Variants in CIAO3 observed in about 807,000 individuals in gnomAD.
CIAO3 encodes LET1 like/JFP15.
CIAO3 carries 45 observed loss-of-function variants against 51.5 expected under a neutral mutation model. The observed-to-expected ratio is 0.87, with a 90% confidence interval of 0.69 to 1.12. The LOEUF (loss-of-function observed/expected upper bound fraction) is 1.12. Ranked by LOEUF, CIAO3 falls within the 50% of genes most tolerant of loss-of-function variation. The pLI is 0.00. For missense variants in CIAO3, 668 were observed against 632.5 expected (o/e 1.06, Z -0.60); for synonymous variants, 314 against 269.3 (o/e 1.17, Z -1.63).
intron 1 of CIAO3, chr16:740,579 A>C (rs1030867083): frequency 1.2e-5 from 5 of 407,286 alleles, no homozygotes; most frequent in African/African-American, 2.1e-5. Context: ...GGTTAGGGTT[A>C]GGGATGTGTG....
intron 8 of CIAO3, 89 bp downstream of exon 8, chr16:732,212 C>T (rs890834283): frequency 2.4e-5 from 32 of 1,361,224 alleles, no homozygotes; most frequent in Admixed American, 4.0e-5. Context: ...AGATGGGCTG[C>T]GGGGAGGCAA....
Position 729,970 on chromosome 16 carries a change from C to G in CIAO3, c.*447G>C. 1 of 341,038 alleles carries G rather than the reference C, an allele frequency of 2.9e-6. No homozygotes were observed. Among genetic ancestry groups the G allele is most frequent in the South Asian group, 2.5e-5 (1 of 39,826 alleles). 21.1% of individuals were successfully genotyped at this position (341,038 alleles called of 1,614,324 possible). On this transcript the variant is annotated 3_prime_UTR_variant, in exon 11 of 11. Transcript: ENST00000251588. The stretch of plus-strand genomic sequence containing the variant: ...CACGCAGGGTTGTGGCGGGACCACC[C>G]CTGCAGGTCCAGCTCTGTCTCCCAC...
In CIAO3 at chr16:737,329, C is replaced by T. The variant is rs1009083853; in HGVS notation, c.163G>A (p.Asp55Asn). ...DDGSYFQINQ[D>N]GGTRRLEKAK... ...TTCTCCAGCCTCCGGGTCCCGCCGTCCTACAAGGGAGAAGAACCCGGTGCA... is the reference window on the plus strand; with the variant it reads ...TTCTCCAGCCTCCGGGTCCCGCCGTTCTACAAGGGAGAAGAACCCGGTGCA... Residue 55 changes from aspartate (D) to asparagine (N), a missense_variant and splice_region_variant, in exon 3 of 11, where the codon GAC becomes AAC. Coordinates refer to ENST00000251588, the MANE Select transcript of CIAO3 (RefSeq NM_022493.3). The surrounding 1 kb of genome is among the most constrained non-coding windows in gnomAD (Gnocchi z 5.3). The T allele has an allele frequency of 1.9e-6, 3 of 1,612,868 alleles. No individual in the cohort carries two copies. Among genetic ancestry groups the T allele is most frequent in the African/African-American group, 2.7e-5 (2 of 74,922 alleles).
rs74670464 is a variant in CIAO3, at chr16:737,540, C to T, written c.163-211G>A. ...TGCCGTCAAGTCTGCTTCTTGGTAC[C>T]ACTTGGTTAGTGCATCCGAATCACA... On this transcript the variant is annotated intron_variant, in intron 2 of 10. Coordinates refer to ENST00000251588, the MANE Select transcript of CIAO3 (RefSeq NM_022493.3). The surrounding 1 kb of genome is among the most constrained non-coding windows in gnomAD (Gnocchi z 5.3). 1 of 1,510,984 alleles carries T rather than the reference C, an allele frequency of 6.6e-7. No individual in the cohort carries two copies. Among genetic ancestry groups the T allele is most frequent in the African/African-American group, 1.4e-5 (1 of 72,502 alleles). 93.6% of individuals were successfully genotyped at this position (1,510,984 alleles called of 1,614,324 possible).
Position 731,632 on chromosome 16 carries a change from C to A in CIAO3, c.967G>T (p.Val323Leu). 6.4e-7 allele frequency: 1 copy of A among 1,561,332 alleles called. No homozygotes were observed. Among genetic ancestry groups the A allele is most frequent in the Non-Finnish European group, 8.7e-7 (1 of 1,153,184 alleles). ...AGCTCTCGGGCCGCGTGCCGGAACA[C>A]GTGCTCCAGGTAGCCCCCCGAGCCC... ...GGGSGGYLEH[V>L]FRHAARELFG... is the part of the protein sequence containing the mutation. The change falls in exon 9 of 11, where the codon GTG becomes TTG. Residue 323 changes from valine (V) to leucine (L), a missense_variant. Transcript: ENST00000251588.
intron 9 of CIAO3, chr16:731,202 C>T (rs2041277483): frequency 1.4e-6 from 1 of 691,246 alleles, no homozygotes; most frequent in East Asian, 2.8e-5. Context: ...ACCTCACCTC[C>T]AGCCTCGGGC....
chr16:738,102 C>G (rs2041357159), intron 2 of CIAO3: 2 of 1,029,072 alleles, frequency 1.9e-6, no homozygotes, highest in African/African-American at 1.7e-5. Context: ...TACGTTGGTT[C>G]TGCCCCAAGG....
chr16:736,360 C>T lies in CIAO3; in HGVS notation c.345G>A (p.Ser115=), dbSNP rs112418028. ...APSQQRLVVV[S]VSPQSRASLA... ...GCGATGCTCTAGACTGTGGTGAGAC[C>T]GAAACTACAACCAGCCTCTGCTGAC... The change falls in exon 4 of 11, where the codon TCG becomes TCA. Residue 115 remains serine, a synonymous_variant. Coordinates refer to ENST00000251588, the MANE Select transcript of CIAO3 (RefSeq NM_022493.3). 3.2e-5 allele frequency: 52 copies of T among 1,612,840 alleles called. No individual in the cohort carries two copies. The highest frequency in any genetic ancestry group is 4.0e-5 in the Non-Finnish European group (47 of 1,179,820).
chr16:732,392 GCAGA>G lies in CIAO3; in HGVS notation c.824-23_824-20del, dbSNP rs770059567. ...ACTTCTCCTGCAAAGAAGCCACAGC[GCAGA>G]CACTCTTTAGCGGAGATCCCAGCAA... On this transcript the variant is annotated intron_variant, in intron 7 of 10. Coordinates refer to ENST00000251588, the MANE Select transcript of CIAO3 (RefSeq NM_022493.3). 4 of 1,612,292 alleles carry G rather than the reference GCAGA, an allele frequency of 2.5e-6. No homozygotes were observed. The African/African-American group carries it at 4.0e-5, about 16-fold the overall frequency.
chr16:736,202 C>T lies in CIAO3; in HGVS notation c.439+64G>A, dbSNP rs908169458. On this transcript the variant is annotated intron_variant, in intron 4 of 10. Transcript: ENST00000251588. ...GTCAGTGACTCAGAGGCGCGAGGGG[C>T]CTGGGCTTACTCAGACGCCCCCTTG... 2.5e-6 allele frequency: 4 copies of T among 1,600,876 alleles called. No individual in the cohort carries two copies. The African/African-American group carries it at 5.4e-5, about 21-fold the overall frequency.
intron 8 of CIAO3, 89 bp from the exon 9 acceptor site, chr16:731,791 T>G: frequency 1.4e-6 from 2 of 1,414,084 alleles, no homozygotes; most frequent in Non-Finnish European, 1.8e-6. Context: ...CATGAGCGTT[T>G]GCATTTCCAG....
rs1223790410 is a variant in CIAO3 at position 730,847 on chromosome 16, G to A, written c.1188C>T (p.Pro396=). 1.2e-6 allele frequency: 2 copies of A among 1,612,508 alleles called. No individual in the cohort carries two copies. The highest frequency in any genetic ancestry group is 8.5e-7 in the Non-Finnish European group (1 of 1,179,954). ...PYHYVEVMAC[P]SGCLNGGGQL... ...CCTGTCCCTTGCAGGAGCTACCTGA[G>A]GGGCAGGCCATGACCTCCACGTAGT... is the stretch of plus-strand genomic sequence containing the variant. The change falls in exon 10 of 11, where the codon CCC becomes CCT. Residue 396 remains proline (P), a synonymous_variant. Transcript: ENST00000251588.
chr16:736,605 G>A (rs1252854712), intron 3 of CIAO3, among the ~76,000 whole-genome samples: 4 of 151,280 alleles, frequency 2.6e-5, no homozygotes, highest in East Asian at 1.9e-4. Flanking sequence ...TGCAACCTCC[G>A]CCTCCCAGGT....
At chr16:736,778 C>T (rs979848503) in intron 3 of CIAO3, among the ~76,000 whole-genome samples, 1 of 152,158 alleles carries the variant, frequency 6.6e-6, no homozygotes, top group South Asian at 2.1e-4. Context: ...ATTCTCCTGC[C>T]TCAGCCTCTC....
chr16:739,936 C>T (rs2041374905), intron 1 of CIAO3, 198 bp from the exon 2 acceptor site: 5 of 1,379,358 alleles, frequency 3.6e-6, no homozygotes, highest in Non-Finnish European at 4.9e-6. Context: ...CAACATCCTG[C>T]GGCACTGAAG....
At chr16:734,195 C>T (rs775803437) in intron 6 of CIAO3, 34 bp downstream of exon 6, 3 of 1,591,462 alleles carry the variant, frequency 1.9e-6, no homozygotes, top group African/African-American at 2.7e-5. Context: ...GGCCGCTCCC[C>T]AGCCTGAGTC....
chr16:736,252 G>A lies in CIAO3; in HGVS notation c.439+14C>T. On this transcript the variant is annotated intron_variant, in intron 4 of 10. Coordinates refer to ENST00000251588, the MANE Select transcript of CIAO3 (RefSeq NM_022493.3). ...GATTTGGAGCGGCAGTGTTACCCCAGGTTCAAAGCCTACCTATTTTTTTAA... is the reference window on the plus strand; with the variant it reads ...GATTTGGAGCGGCAGTGTTACCCCAAGTTCAAAGCCTACCTATTTTTTTAA... 2 of 1,612,306 alleles carry A rather than the reference G, an allele frequency of 1.2e-6. No homozygotes were observed. Among genetic ancestry groups the A allele is most frequent in the South Asian group, 1.1e-5 (1 of 91,056 alleles).
At chr16:732,639 C>G (rs1235756028) in intron 7 of CIAO3, 2 of 522,416 alleles carry the variant, frequency 3.8e-6, no homozygotes, top group African/African-American at 2.0e-5. Context: ...AGGCAGTCTG[C>G]TTTTCTTTTT....
intron 8 of CIAO3, chr16:732,049 T>A: frequency 3.8e-6 from 2 of 529,806 alleles, no homozygotes; most frequent in East Asian, 6.6e-5. Context: ...GGCTAAATTT[T>A]GTATTTTTAG....
Sources: gnomAD v4.1 joint callset for allele counts (sites outside exome capture counted in the v4.1 genomes callset) on GRCh38, gnomAD v4.1.1 for gene constraint, Gnocchi (gnomAD v3.1) non-coding constraint, MANE v1.5 for transcripts, NCBI Gene and HGNC (gene_info 2026-07-23, HGNC 2026-07-21) for gene names.